VCPIP1: variants seen among roughly 807,000 people sequenced by gnomAD.
VCPIP1 encodes the protein valosin containing protein interacting protein 1.
In VCPIP1, 8 loss-of-function variants were observed where a neutral mutation model predicts 85.0. The observed-to-expected ratio is 0.09, with a 90% CI of 0.06 to 0.17. VCPIP1 has a LOEUF of 0.17. Ranked by LOEUF, VCPIP1 falls within the 10% of genes least tolerant of loss-of-function variation. The pLI, the probability that VCPIP1 is intolerant of heterozygous loss-of-function variation, is 1.00. For missense variants in VCPIP1, 1,070 were observed against 1,486.3 expected (o/e 0.72, Z 4.61); for synonymous variants, 543 against 544.5 (o/e 1.00, Z 0.04).
intron 2 of VCPIP1, among the ~76,000 whole-genome samples, chr8:66,636,384 A>G (rs544309688): frequency 1.9e-3 from 285 of 152,290 alleles, no homozygotes; most frequent in Non-Finnish European, 3.2e-3. Context: ...AAAAAATCTA[A>G]ATTTTCAACA....
In VCPIP1 at chr8:66,628,596, G is replaced by C. The variant is rs1232556065; in HGVS notation, c.*5905C>G. ...AGACAATAAAAATAAAATCCATAATGAGCTGTTATAAGTAGGATGTTTATC... is the reference window on the plus strand; with the variant it reads ...AGACAATAAAAATAAAATCCATAATCAGCTGTTATAAGTAGGATGTTTATC... On this transcript the variant is annotated 3_prime_UTR_variant, in exon 3 of 3. Coordinates refer to ENST00000310421, the MANE Select transcript of VCPIP1 (RefSeq NM_025054.5). 6.6e-6 allele frequency: 1 copy of C among 152,324 alleles called. No individual in the cohort carries two copies. Among genetic ancestry groups the C allele is most frequent in the Non-Finnish European group, 1.5e-5 (1 of 68,040 alleles). The allele number at this position is 152,324 out of a possible 1,614,324, so 9.4% of individuals were successfully genotyped here.
chr8:66,638,968 C>CTATATA (rs1432062184), intron 2 of VCPIP1, among the ~76,000 whole-genome samples: 182 of 127,016 alleles, frequency 1.4e-3, no homozygotes, highest in Middle Eastern at 7.5e-3. Context: ...CTCTCTCTCT[C>CTATATA]TCTATATATA....
chr8:66,652,335 C>T (rs993925117), intron 1 of VCPIP1, among the ~76,000 whole-genome samples: 2 of 152,190 alleles, frequency 1.3e-5, no homozygotes, highest in African/African-American at 4.8e-5. Context: ...TTGGGCCAGG[C>T]ATGGTGGCTC....
rs150595465 is a variant in VCPIP1, at chr8:66,666,581, G to C, written c.378C>G (p.His126Gln). Residue 126 changes from histidine to glutamine, a missense_variant, in exon 1 of 3, where the codon CAC becomes CAG. His to Gln is a conservative substitution (Grantham distance 24). Transcript: ENST00000310421. This position sits in a 1 kb window ranked among gnomAD's most constrained non-coding sequence, Gnocchi z 6.3. The part of the protein sequence containing the change: ...LVKVMGLSNY[H>Q]CKLLSPILAR... ...CTAATATGGGCGACAACAATTTGCA[G>C]TGATAGTTGGAAAGGCCCATCACCT... is the stretch of plus-strand genomic sequence containing the variant. The C allele has an allele frequency of 1.2e-5, 20 of 1,614,064 alleles. No individual in the cohort carries two copies. The highest frequency in any genetic ancestry group is 1.6e-5 in the Non-Finnish European group (19 of 1,180,052).
intron 2 of VCPIP1, among the ~76,000 whole-genome samples, chr8:66,641,436 T>A (rs1204230890): frequency 6.6e-6 from 1 of 152,108 alleles, no homozygotes; most frequent in African/African-American, 2.4e-5. Context: ...GGTAGTGCAA[T>A]CATAGCTCAC....
chr8:66,651,257 G>A (rs894648973), intron 2 of VCPIP1, among the ~76,000 whole-genome samples: 5 of 150,718 alleles, frequency 3.3e-5, no homozygotes, highest in Admixed American at 2.0e-4. Context: ...GCAACAAAGT[G>A]ATAGATTTTT....
intron 2 of VCPIP1, among the ~76,000 whole-genome samples, chr8:66,635,909 A>T (rs1810880980): frequency 7.5e-6 from 1 of 134,078 alleles, no homozygotes; most frequent in Non-Finnish European, 1.6e-5. Flanking sequence ...GTGAAACTCT[A>T]TCTCAAAAAA....
At chr8:66,645,804 A>C (rs993381816) in intron 2 of VCPIP1, among the ~76,000 whole-genome samples, 1 of 150,516 alleles carries the variant, frequency 6.6e-6, no homozygotes, top group Non-Finnish European at 1.5e-5. Flanking sequence ...GGTGGTGCGC[A>C]CCTGTAGTCC....
In VCPIP1 at chr8:66,664,747, CTTG is replaced by C; in HGVS notation, c.2209_2211del (p.Gln737del). ...ACAGTCCTGGGTTGCCCTTTTTGTT[CTTG>C]TTTTAACTTCTCTGTTTTCCGTTTC... On this transcript the variant is annotated inframe_deletion, in exon 1 of 3. Coordinates refer to ENST00000310421, the MANE Select transcript of VCPIP1 (RefSeq NM_025054.5). 6.2e-7 allele frequency: 1 copy of C among 1,612,648 alleles called. No homozygotes were observed. Among genetic ancestry groups the C allele is most frequent in the Non-Finnish European group, 8.5e-7 (1 of 1,179,574 alleles).
chr8:66,660,979 G>A (rs1811150710), intron 1 of VCPIP1, among the ~76,000 whole-genome samples: 1 of 151,860 alleles, frequency 6.6e-6, no homozygotes, highest in Admixed American at 6.6e-5. Context: ...GGAGGCAGAG[G>A]TTGCAGTGAG....
chr8:66,644,792 T>C (rs1355748196), intron 2 of VCPIP1, among the ~76,000 whole-genome samples: 4 of 143,382 alleles, frequency 2.8e-5, no homozygotes, highest in Non-Finnish European at 3.0e-5. Flanking sequence ...TCAAGGGCAA[T>C]GTAAAAAAAA....
At chr8:66,652,024 A>T (rs952743885) in intron 1 of VCPIP1, among the ~76,000 whole-genome samples, 4 of 151,874 alleles carry the variant, frequency 2.6e-5, no homozygotes, top group Non-Finnish European at 5.9e-5. Context: ...AAAAAAAAAA[A>T]AAAATAGCTG....
In VCPIP1 at chr8:66,665,339, C is replaced by G; in HGVS notation, c.1620G>C (p.Trp540Cys). 1 of 1,613,930 alleles carries G rather than the reference C, an allele frequency of 6.2e-7. No individual in the cohort carries two copies. The highest frequency in any genetic ancestry group is 1.3e-5 in the African/African-American group (1 of 75,054). The change falls in exon 1 of 3, where the codon TGG becomes TGC. Residue 540 changes from tryptophan (W) to cysteine (C), a missense_variant. This residue lies in a region of VCPIP1 where 123 missense variants were observed against 156.3 expected (regional missense o/e 0.79). Coordinates refer to ENST00000310421, the MANE Select transcript of VCPIP1 (RefSeq NM_025054.5). The surrounding 1 kb of genome is among the most constrained non-coding windows in gnomAD (Gnocchi z 4.3). ...CCTTTCGCACAGATGTGCCATGGCA[C>G]CAATTACAAGCTGTTAGGTTACTCA... is the stretch of plus-strand genomic sequence containing the variant. Reference protein sequence around the residue: ...YGMSNLTACNWCHGTSVRKVR... With the variant: ...YGMSNLTACNCCHGTSVRKVR...
rs1369898932 is a variant in VCPIP1, at chr8:66,630,773, TA to T, written c.*3727del. On this transcript the variant is annotated 3_prime_UTR_variant, in exon 3 of 3. Transcript: ENST00000310421. ...AAAATTCCCACGATTTAAGTATCATTAAATATGAACTGAAACACTTAGCATC... is the reference window on the plus strand; with the variant it reads ...AAAATTCCCACGATTTAAGTATCATTAATATGAACTGAAACACTTAGCATC... 6.6e-6 allele frequency: 1 copy of T among 152,568 alleles called. No individual in the cohort carries two copies. The highest frequency in any genetic ancestry group is 1.5e-5 in the Non-Finnish European group (1 of 67,994). 9.5% of individuals were successfully genotyped at this position (152,568 alleles called of 1,614,324 possible).
At position 66,632,628 on chromosome 8, in the gene VCPIP1, A is replaced by T. The variant is rs148755492; in HGVS notation, c.*1873T>A. ...GTTAAAGAAGATTATATCATTTTAC[A>T]TGAAAGCAGTGCATTTTTTGCTTAA... On this transcript the variant is annotated 3_prime_UTR_variant, in exon 3 of 3. Transcript: ENST00000310421. 1.3e-5 allele frequency: 2 copies of T among 152,276 alleles called. No homozygotes were observed. The highest frequency in any genetic ancestry group is 3.9e-4 in the East Asian group (2 of 5,194). 9.4% of individuals were successfully genotyped at this position (152,276 alleles called of 1,614,324 possible). A position where few individuals can be genotyped will look rare whatever the true frequency, so the allele number is the denominator to read the frequency against.
Position 66,634,869 on chromosome 8 carries a change from A to G in VCPIP1, c.3301T>C (p.Leu1101=), listed in dbSNP as rs1349153643. The change falls in exon 3 of 3, where the codon TTG becomes CTG. Residue 1101 remains leucine (L), a synonymous_variant. Transcript: ENST00000310421. ...AATTTTTTTCGCTGGGCCTCAACCA[A>G]ATCAGGATCAAGCTGCCTGCCGTCT... ...MRDGRQLDPD[L]VEAQRKKLQE... is the part of the protein sequence containing the mutation. The G allele has an allele frequency of 1.2e-6, 2 of 1,613,984 alleles. No individual in the cohort carries two copies. The highest frequency in any genetic ancestry group is 4.5e-5 in the East Asian group (2 of 44,902).
rs2130186637 is a variant in VCPIP1 at position 66,665,222 on chromosome 8, A to G, written c.1737T>C (p.Phe579=). Residue 579 remains phenylalanine, a synonymous_variant, in exon 1 of 3, where the codon TTT becomes TTC. Transcript: ENST00000310421. This position sits in a 1 kb window ranked among gnomAD's most constrained non-coding sequence, Gnocchi z 4.3. ...GGKCGCGFKH[F]WDGKEYDNLP... ...GATTGTCATACTCCTTACCATCCCAAAAGTGTTTGAATCCACAACCACATT... is the reference window on the plus strand; with the variant it reads ...GATTGTCATACTCCTTACCATCCCAGAAGTGTTTGAATCCACAACCACATT... 1.9e-6 allele frequency: 3 copies of G among 1,614,058 alleles called. No homozygotes were observed. Among genetic ancestry groups the G allele is most frequent in the African/African-American group, 2.7e-5 (2 of 75,064 alleles).
At chr8:66,635,953 G>A (rs1455420678) in intron 2 of VCPIP1, among the ~76,000 whole-genome samples, 1 of 147,690 alleles carries the variant, frequency 6.8e-6, no homozygotes, top group Non-Finnish European at 1.5e-5. Context: ...TTGAGGCCAG[G>A]TGCAGTGGCT....
At chr8:66,636,924 C>T (rs1295082839) in intron 2 of VCPIP1, among the ~76,000 whole-genome samples, 2 of 151,996 alleles carry the variant, frequency 1.3e-5, no homozygotes, top group African/African-American at 4.8e-5. Context: ...GATGCTGCAA[C>T]AGCAGGAAAC....
Sources: allele counts gnomAD v4.1 joint callset (sites outside exome capture counted in the v4.1 genomes callset), GRCh38; gene constraint gnomAD v4.1.1; regional missense constraint gnomAD v4.1.1; non-coding constraint Gnocchi (gnomAD v3.1); transcripts MANE v1.5; gene names NCBI Gene and HGNC (gene_info 2026-07-23, HGNC 2026-07-21).